TMEM132B: variants seen among roughly 807,000 people sequenced by gnomAD.
The protein encoded by TMEM132B is transmembrane protein 132B.
TMEM132B carries 18 observed loss-of-function variants against 90.8 expected under a neutral mutation model. That is an observed-to-expected ratio of 0.20 (90% CI 0.14 to 0.29). The LOEUF is 0.29. Among genes scored for constraint, TMEM132B ranks in the 10% least tolerant of loss-of-function variants. The pLI, the probability that TMEM132B is intolerant of heterozygous loss-of-function variation, is 1.00. For missense variants in TMEM132B, 1,096 were observed against 1,326.8 expected, an observed-to-expected ratio of 0.83 and a Z score of 2.70; for synonymous variants, 504 against 523.3, an observed-to-expected ratio of 0.96 and a Z score of 0.50.
At chr12:125,230,094 AAGG>A (rs1388636249) in intron 1 of TMEM132B, among the ~76,000 whole-genome samples, 1 of 152,244 alleles carries the variant, frequency 6.6e-6, no homozygotes, top group Non-Finnish European at 1.5e-5. Flanking sequence ...TGAACAGAAG[AAGG>A]AGGACTGGAG....
chr12:125,554,427 TAAAAAA>T (rs71447048), intron 4 of TMEM132B, among the ~76,000 whole-genome samples: 10 of 69,510 alleles, frequency 1.4e-4, no homozygotes, highest in Admixed American at 1.2e-3. Context: ...TCCATTTCAT[TAAAAAA>T]AAAAAAAAAA....
At chr12:125,508,861 C>G (rs1301183142) in intron 3 of TMEM132B, among the ~76,000 whole-genome samples, 1 of 151,124 alleles carries the variant, frequency 6.6e-6, no homozygotes, top group East Asian at 1.9e-4. Flanking sequence ...TCACTGCAAC[C>G]TCTACCTCCC....
intron 3 of TMEM132B, among the ~76,000 whole-genome samples, chr12:125,428,189 T>G (rs1274506796): frequency 6.6e-6 from 1 of 152,058 alleles, no homozygotes; most frequent in Non-Finnish European, 1.5e-5. Context: ...ATACAGGGTC[T>G]TGCTATGTTG....
intron 5 of TMEM132B, among the ~76,000 whole-genome samples, chr12:125,594,022 T>G (rs959200725): frequency 2.0e-5 from 3 of 152,224 alleles, no homozygotes; most frequent in Non-Finnish European, 2.9e-5. Flanking sequence ...CCTTAACTTC[T>G]GAACTTTCTT....
intron 5 of TMEM132B, among the ~76,000 whole-genome samples, chr12:125,612,371 G>C (rs966447078): frequency 1.1e-4 from 16 of 151,726 alleles, no homozygotes; most frequent in Admixed American, 2.0e-4. Flanking sequence ...GCTGAGGCAG[G>C]AGAATCGCTT....
rs1485926800 is a variant in TMEM132B at position 125,277,518 on chromosome 12, C to CAT, written c.68-71933_68-71932insTA. On this transcript the variant is annotated intron_variant, in intron 1 of 8. Transcript: ENST00000682704. This position sits in a 1 kb window ranked among gnomAD's most constrained non-coding sequence, Gnocchi z 4.3. The stretch of plus-strand genomic sequence containing the variant: ...AAGAGGGAGAACACACACACACACA[C>CAT]ACACACACACATACACACACACACG... Among the ~76,000 whole-genome samples the CAT allele has an allele frequency of 4.6e-5, 7 of 151,246 alleles. No homozygotes were observed. The highest frequency in any genetic ancestry group is 7.4e-5 in the Non-Finnish European group (5 of 67,878).
Position 125,349,357 on chromosome 12 carries a change from G to A in TMEM132B, c.68-95G>A, listed in dbSNP as rs776738980. 1.7e-5 allele frequency: 24 copies of A among 1,375,940 alleles called. No individual in the cohort carries two copies. Among genetic ancestry groups the A allele is most frequent in the Non-Finnish European group, 2.1e-5 (21 of 1,011,530 alleles). 85.2% of individuals were successfully genotyped at this position (1,375,940 alleles called of 1,614,324 possible). A position where few individuals can be genotyped will look rare whatever the true frequency, so the allele number is the denominator to read the frequency against. ...CTGGGGGAGAAACAGTGGCCAGTGGGCGGTTTGTTGGGGAGGTGGGTGGAG... is the reference window on the plus strand; with the variant it reads ...CTGGGGGAGAAACAGTGGCCAGTGGACGGTTTGTTGGGGAGGTGGGTGGAG... On this transcript the variant is annotated intron_variant, in intron 1 of 8. Coordinates refer to ENST00000682704, the MANE Select transcript of TMEM132B (RefSeq NM_001366854.1). The surrounding 1 kb of genome is among the most constrained non-coding windows in gnomAD (Gnocchi z 4.1).
chr12:125,443,541 C>T (rs923561173), intron 3 of TMEM132B, among the ~76,000 whole-genome samples: 9 of 152,074 alleles, frequency 5.9e-5, no homozygotes, highest in Non-Finnish European at 7.4e-5. Flanking sequence ...GAAGAATTGA[C>T]GGGATTCTGT....
Position 125,225,610 on chromosome 12 carries a change from A to G in TMEM132B, c.67+38744A>G, listed in dbSNP as rs1328855547. 2.0e-5 allele frequency among the ~76,000 whole-genome samples: 3 copies of G among 152,198 alleles called. 1 individual carries two copies. The South Asian group carries it at 6.2e-4, about 32-fold the overall frequency. On this transcript the variant is annotated intron_variant, in intron 1 of 8. Transcript: ENST00000682704. ...CTCCCACATCTCAGTGGTTTAGTCC[A>G]ATAGAAGTTTGTTTCTTTTCCATGG...
chr12:125,430,826 C>A (rs1290658713), intron 3 of TMEM132B, among the ~76,000 whole-genome samples: 1 of 152,114 alleles, frequency 6.6e-6, no homozygotes, highest in African/African-American at 2.4e-5. Flanking sequence ...TAAAAGCTAA[C>A]AAGAAAAATA....
intron 1 of TMEM132B, among the ~76,000 whole-genome samples, chr12:125,290,069 A>AT (rs2136145246): frequency 6.6e-6 from 1 of 152,260 alleles, no homozygotes; most frequent in South Asian, 2.1e-4. Context: ...TCTAGTGGTG[A>AT]TTGTTTCTTC....
intron 2 of TMEM132B, among the ~76,000 whole-genome samples, chr12:125,378,434 A>G (rs951033394): frequency 6.6e-6 from 1 of 152,196 alleles, no homozygotes; most frequent in African/African-American, 2.4e-5. Flanking sequence ...TTTACAAGTA[A>G]GTAGTCAAGG....
At chr12:125,536,516 T>A (rs1485809436) in intron 4 of TMEM132B, among the ~76,000 whole-genome samples, 1 of 152,146 alleles carries the variant, frequency 6.6e-6, no homozygotes, top group Non-Finnish European at 1.5e-5. Flanking sequence ...GTGCATCTCA[T>A]CTGTAATATG....
chr12:125,640,955 C>T (rs1886616254), intron 5 of TMEM132B, among the ~76,000 whole-genome samples: 1 of 150,802 alleles, frequency 6.6e-6, no homozygotes, highest in Admixed American at 6.6e-5. Flanking sequence ...CACACACACA[C>T]ATTTCTAATA....
intron 6 of TMEM132B, among the ~76,000 whole-genome samples, chr12:125,645,956 G>A (rs1886755189): frequency 6.6e-6 from 1 of 152,202 alleles, no homozygotes; most frequent in South Asian, 2.1e-4. Flanking sequence ...AGCCTCAACT[G>A]CCTTGAACAG....
intron 3 of TMEM132B, among the ~76,000 whole-genome samples, chr12:125,487,755 A>G (rs557862001): frequency 1.6e-4 from 24 of 152,196 alleles, no homozygotes; most frequent in Non-Finnish European, 2.6e-4. Flanking sequence ...AGGAGTGTCA[A>G]ACATGTTTTT....
intron 4 of TMEM132B, among the ~76,000 whole-genome samples, chr12:125,551,067 C>T (rs1884217287): frequency 6.6e-6 from 1 of 152,260 alleles, no homozygotes; most frequent in Admixed American, 6.5e-5. Context: ...CCCGCCTCGG[C>T]CTCCCGAAGT....
At chr12:125,276,819 G>A (rs892054794) in intron 1 of TMEM132B, among the ~76,000 whole-genome samples, 5 of 152,192 alleles carry the variant, frequency 3.3e-5, no homozygotes, top group African/African-American at 9.6e-5. Flanking sequence ...CAAGAGGCAC[G>A]TGTAATGTTT....
intron 1 of TMEM132B, among the ~76,000 whole-genome samples, chr12:125,311,869 A>T (rs1210309063): frequency 6.6e-6 from 1 of 152,174 alleles, no homozygotes; most frequent in Non-Finnish European, 1.5e-5. Flanking sequence ...GCTAGGCCAG[A>T]TCTGACCTCC....
Sources: allele counts gnomAD v4.1 joint callset (sites outside exome capture counted in the v4.1 genomes callset), GRCh38; gene constraint gnomAD v4.1.1; non-coding constraint Gnocchi (gnomAD v3.1); transcripts MANE v1.5; gene names NCBI Gene and HGNC (gene_info 2026-07-23, HGNC 2026-07-21).